The following GCNT2 variants were observed in gnomAD, a reference collection of about 807,000 sequenced individuals.
GCNT2 encodes glucosaminyl (N-acetyl) transferase 2 (I blood group), also known as N-acetyllactosaminide beta-1,6-N-acetylglucosaminyl-transferase.
Under a neutral mutation model 34.2 loss-of-function variants are expected in GCNT2, and 34 were observed. The observed-to-expected ratio is 1.00, with a 90% CI of 0.76 to 1.32. The LOEUF is 1.32. Ranked by LOEUF, GCNT2 falls within the 40% of genes most tolerant of loss-of-function variation. The pLI is 0.00. For synonymous variants in GCNT2, 212 were observed against 188.0 expected, an observed-to-expected ratio of 1.13 and a Z score of -1.04; for missense variants, 584 against 489.4, an observed-to-expected ratio of 1.19 and a Z score of -1.82.
In GCNT2 at chr6:10,579,803, G is replaced by A. The variant is rs539573195; in HGVS notation, c.926-41548G>A. On this transcript the variant is annotated intron_variant, in intron 3 of 4. Coordinates refer to ENST00000495262, the MANE Select transcript of GCNT2 (RefSeq NM_145649.5). ...TGCGCTCCAGCCTGGGCCACAGAGC[G>A]AGACTCCATCTCAAAAAACAAACAA... Among the ~76,000 whole-genome samples the A allele has an allele frequency of 6.2e-3, 783 of 127,280 alleles. 2 individuals carry two copies. The highest frequency in any genetic ancestry group is 0.013 in the Middle Eastern group (2 of 150). 83.5% of individuals were successfully genotyped at this position (127,280 alleles called of 152,430 possible).
intron 3 of GCNT2, 83 bp from the exon 4 acceptor site, chr6:10,621,268 C>T: frequency 1.1e-6 from 1 of 879,968 alleles, no homozygotes; most frequent in Non-Finnish European, 1.9e-6. Context: ...GAAAGTAAGC[C>T]TGACTTAGAG....
At chr6:10,553,615 C>T (rs951659456) in intron 3 of GCNT2, among the ~76,000 whole-genome samples, 7 of 152,100 alleles carry the variant, frequency 4.6e-5, no homozygotes, top group East Asian at 1.9e-4. Flanking sequence ...TTAAATAGGC[C>T]GGGCGTGGTG....
chr6:10,586,816 T>A (rs747929497), intron 3 of GCNT2: 1 of 1,613,900 alleles, frequency 6.2e-7, no homozygotes, highest in East Asian at 2.2e-5. Context: ...TTTGTCGACT[T>A]TGTTCTACGT....
chr6:10,529,003 A>G lies in GCNT2; in HGVS notation c.92A>G (p.Asn31Ser), dbSNP rs1233608257. 7 of 1,614,016 alleles carry G rather than the reference A, an allele frequency of 4.3e-6. No individual in the cohort carries two copies. Among genetic ancestry groups the G allele is most frequent in the South Asian group, 3.3e-5 (3 of 91,090 alleles). The stretch of plus-strand genomic sequence containing the variant: ...GTTTACAATACTGAGTTATGGGAGA[A>G]TAAACGTTTTCTGAGGGCAGCTCTG... The part of the protein sequence containing the change: ...VFVYNTELWE[N>S]KRFLRAALSN... Residue 31 changes from asparagine to serine, a missense_variant, in exon 3 of 5, where the codon AAT (asparagine) becomes AGT (serine). Transcript: ENST00000495262.
At chr6:10,566,870 G>T (rs1031968359) in intron 3 of GCNT2, among the ~76,000 whole-genome samples, 2 of 152,200 alleles carry the variant, frequency 1.3e-5, no homozygotes, top group African/African-American at 4.8e-5. Context: ...AATGAGTGGG[G>T]TCCAGAGTAA....
At chr6:10,602,405 T>C (rs1169772936) in intron 3 of GCNT2, among the ~76,000 whole-genome samples, 1 of 152,192 alleles carries the variant, frequency 6.6e-6, no homozygotes, top group Admixed American at 6.5e-5. Flanking sequence ...AGCCCAGGGC[T>C]TTTCATCCAA....
chr6:10,586,534 T>G, intron 3 of GCNT2: 1 of 1,614,044 alleles, frequency 6.2e-7, no homozygotes, highest in Non-Finnish European at 8.5e-7. Context: ...GCCTCTGAGG[T>G]TCCCTGGAAG....
chr6:10,577,078 T>C (rs908807236), intron 3 of GCNT2, among the ~76,000 whole-genome samples: 2 of 152,148 alleles, frequency 1.3e-5, no homozygotes, highest in Non-Finnish European at 2.9e-5. Context: ...ATCTCATCTT[T>C]AAAAAATTAA....
intron 3 of GCNT2, among the ~76,000 whole-genome samples, chr6:10,552,247 G>A (rs888775728): frequency 6.6e-5 from 10 of 151,500 alleles, no homozygotes; most frequent in South Asian, 4.2e-4. Context: ...AGTTAAAGAT[G>A]TGCTTTGGAA....
At chr6:10,610,125 CA>C (rs1430271583) in intron 3 of GCNT2, among the ~76,000 whole-genome samples, 11 of 152,154 alleles carry the variant, frequency 7.2e-5, no homozygotes, top group African/African-American at 2.7e-4. Context: ...ACTGTGGCAT[CA>C]AAGGAAAGCA....
At chr6:10,533,825 A>AT (rs1761623559) in intron 3 of GCNT2, among the ~76,000 whole-genome samples, 2 of 144,796 alleles carry the variant, frequency 1.4e-5, no homozygotes, top group South Asian at 4.6e-4. Flanking sequence ...AAAAAAAAAA[A>AT]AGAATGTATT....
At chr6:10,622,138 G>A (rs1362200924) in intron 4 of GCNT2, among the ~76,000 whole-genome samples, 1 of 152,136 alleles carries the variant, frequency 6.6e-6, no homozygotes, top group South Asian at 2.1e-4. Flanking sequence ...CCCTCCAAAT[G>A]GAAAAGAACT....
At chr6:10,601,194 G>A (rs890882420) in intron 3 of GCNT2, among the ~76,000 whole-genome samples, 10 of 152,028 alleles carry the variant, frequency 6.6e-5, no homozygotes, top group Non-Finnish European at 1.2e-4. Context: ...AGCTGGGCCC[G>A]TTATTTTTTT....
At chr6:10,540,172 T>C (rs1761975787) in intron 3 of GCNT2, among the ~76,000 whole-genome samples, 1 of 151,848 alleles carries the variant, frequency 6.6e-6, no homozygotes, top group African/African-American at 2.4e-5. Context: ...AGGAATAAAT[T>C]AGGTATGTGG....
In GCNT2 at chr6:10,537,303, C is replaced by T. The variant is rs569460722; in HGVS notation, c.925+7467C>T. On this transcript the variant is annotated intron_variant, in intron 3 of 4. Transcript: ENST00000495262. ...GTGGCTCACACTCTATCCTTACTTT[C>T]TTCTTCCTCCTTCCCAGCTAAGTTA... is the stretch of plus-strand genomic sequence containing the variant. 5.9e-4 allele frequency among the ~76,000 whole-genome samples: 90 copies of T among 152,306 alleles called. 1 individual carries two copies. The highest frequency in any genetic ancestry group is 2.0e-3 in the African/African-American group (83 of 41,572).
chr6:10,584,721 C>T (rs1184946272), intron 3 of GCNT2, among the ~76,000 whole-genome samples: 3 of 152,188 alleles, frequency 2.0e-5, no homozygotes, highest in Non-Finnish European at 4.4e-5. Flanking sequence ...TTTACCAAGG[C>T]ACATCCTGCA....
At chr6:10,576,767 A>G (rs1182779217) in intron 3 of GCNT2, among the ~76,000 whole-genome samples, 1 of 152,102 alleles carries the variant, frequency 6.6e-6, no homozygotes, top group Non-Finnish European at 1.5e-5. Flanking sequence ...AAGTGTTGTA[A>G]GCAGGAGCTC....
At chr6:10,523,478 C>G (rs1020660301) in intron 1 of GCNT2, among the ~76,000 whole-genome samples, 1 of 151,186 alleles carries the variant, frequency 6.6e-6, no homozygotes, top group Non-Finnish European at 1.5e-5. Flanking sequence ...TTTCCTATTA[C>G]TTTTTTTCCC....
At chr6:10,531,307 T>G (rs1761476542) in intron 3 of GCNT2, among the ~76,000 whole-genome samples, 1 of 152,234 alleles carries the variant, frequency 6.6e-6, no homozygotes, top group Non-Finnish European at 1.5e-5. Flanking sequence ...AATTTAGTCC[T>G]GCTAGTTCAA....
Sources: allele counts gnomAD v4.1 joint callset (sites outside exome capture counted in the v4.1 genomes callset), GRCh38; gene constraint gnomAD v4.1.1; transcripts MANE v1.5; gene names NCBI Gene and HGNC (gene_info 2026-07-23, HGNC 2026-07-21).